Variants in LRP1 observed in about 807,000 individuals in gnomAD.
The protein encoded by LRP1 is LDL receptor related protein 1.
In LRP1, 51 loss-of-function variants were observed where a neutral mutation model predicts 541.5. The ratio of observed to expected loss-of-function variants is 0.09; its 90% CI spans 0.08 to 0.12. The LOEUF (loss-of-function observed/expected upper bound fraction) is 0.12. Among genes scored for constraint, LRP1 ranks in the 10% least tolerant of loss-of-function variants. The pLI is 1.00. For synonymous variants in LRP1, 2,219 were observed against 2,470.8 expected, an observed-to-expected ratio of 0.90 and a Z score of 3.02; for missense variants, 3,878 against 6,376.2, an observed-to-expected ratio of 0.61 and a Z score of 13.34.
intron 43 of LRP1, 54 bp downstream of exon 43, chr12:57,191,063 G>T: frequency 6.5e-7 from 1 of 1,541,408 alleles, no homozygotes; most frequent in South Asian, 1.2e-5. Context: ...GCCAGGGCCA[G>T]GGTCAGCCGT....
chr12:57,198,162 C>T lies in LRP1; in HGVS notation c.9289C>T (p.His3097Tyr), dbSNP rs1239789980. Residue 3097 changes from histidine (H) to tyrosine (Y), a missense_variant, in exon 59 of 89, where the codon CAC (histidine) becomes TAC (tyrosine). Coordinates refer to ENST00000243077, the MANE Select transcript of LRP1 (RefSeq NM_002332.3). Reference protein sequence around the residue: ...HLNGSNVQVLHRTGLSNPDGL... With the variant: ...HLNGSNVQVLYRTGLSNPDGL... Reference sequence around the variant, plus strand: ...CCCCTGCCCCTTCCTGCAGGTCCTACACCGTACAGGCCTCAGCAACCCCGA... The same window carrying T: ...CCCCTGCCCCTTCCTGCAGGTCCTATACCGTACAGGCCTCAGCAACCCCGA... The T allele has an allele frequency of 6.2e-7, 1 of 1,609,678 alleles. No individual in the cohort carries two copies. The highest frequency in any genetic ancestry group is 1.7e-5 in the Admixed American group (1 of 59,946).
At position 57,143,675 on chromosome 12, in the gene LRP1, A is replaced by G. The variant is rs544099164; in HGVS notation, c.329-4A>G. ...GAATATGTGTCTCTCCTGCCCCCAC[A>G]CAGAGCTCCAAGGCAACTGCTCTCG... is the stretch of plus-strand genomic sequence containing the variant. On this transcript the variant is annotated splice_region_variant and splice_polypyrimidine_tract_variant and intron_variant, in intron 3 of 88. Transcript: ENST00000243077. 6.2e-7 allele frequency: 1 copy of G among 1,612,292 alleles called. No individual in the cohort carries two copies. Among genetic ancestry groups the G allele is most frequent in the African/African-American group, 1.3e-5 (1 of 74,902 alleles).
intron 20 of LRP1, among the ~76,000 whole-genome samples, chr12:57,170,191 T>C (rs998907440): frequency 1.3e-5 from 2 of 152,240 alleles, no homozygotes; most frequent in African/African-American, 2.4e-5. Flanking sequence ...AGATCCCCAT[T>C]TCCCCTTTCT....
At position 57,183,267 on chromosome 12, in the gene LRP1, T is replaced by G. The variant is rs1425853970; in HGVS notation, c.5663-112T>G. On this transcript the variant is annotated intron_variant, in intron 34 of 88. Coordinates refer to ENST00000243077, the MANE Select transcript of LRP1 (RefSeq NM_002332.3). The surrounding 1 kb of genome is among the most constrained non-coding windows in gnomAD (Gnocchi z 6.1). ...TGTGCTGGGTGGAGGATAGGGATGA[T>G]GGTGGGGGGGGATGATATCAAAGGA... 1.4e-5 allele frequency: 16 copies of G among 1,167,904 alleles called. No individual in the cohort carries two copies. Among genetic ancestry groups the G allele is most frequent in the Non-Finnish European group, 1.6e-5 (13 of 813,980 alleles). The allele number at this position is 1,167,904 out of a possible 1,614,324, so 72.3% of individuals were successfully genotyped here.
chr12:57,156,526 G>A lies in LRP1; in HGVS notation c.1417+243G>A, dbSNP rs1446646737. On this transcript the variant is annotated intron_variant, in intron 9 of 88. Coordinates refer to ENST00000243077, the MANE Select transcript of LRP1 (RefSeq NM_002332.3). The surrounding 1 kb of genome is among the most constrained non-coding windows in gnomAD (Gnocchi z 5.2). ...TCCCTCCCATTCCCCTTGCCAGTCT[G>A]GAGCAGTAGCACCTGGCCATGGGCA... Among the ~76,000 whole-genome samples, 1 of 152,218 alleles carries A rather than the reference G, an allele frequency of 6.6e-6. No individual in the cohort carries two copies. The highest frequency in any genetic ancestry group is 1.5e-5 in the Non-Finnish European group (1 of 68,046).
rs781425698 is a variant in LRP1 at position 57,211,459 on chromosome 12, A to C, written c.13092-28A>C. ...TCCCAGGCACGCCTCTGCCAGCCCC[A>C]GCCCCAGCCTCTGATTCCTTCCTGC... On this transcript the variant is annotated intron_variant, in intron 84 of 88. Transcript: ENST00000243077. This position sits in a 1 kb window ranked among gnomAD's most constrained non-coding sequence, Gnocchi z 4.3. The C allele has an allele frequency of 7.4e-6, 12 of 1,611,514 alleles. No homozygotes were observed. The highest frequency in any genetic ancestry group is 1.0e-5 in the Non-Finnish European group (12 of 1,179,340).
intron 60 of LRP1, 138 bp from the exon 61 acceptor site, chr12:57,199,074 G>A (rs1432160365): frequency 1.3e-6 from 1 of 787,956 alleles, no homozygotes; most frequent in South Asian, 1.5e-5. Flanking sequence ...ACCATGGGGG[G>A]TCTGTACCAT....
Position 57,185,066 on chromosome 12 carries a change from C to T in LRP1, c.6339-15C>T, listed in dbSNP as rs771358831. 1 of 1,614,182 alleles carries T rather than the reference C, an allele frequency of 6.2e-7. No homozygotes were observed. Among genetic ancestry groups the T allele is most frequent in the Non-Finnish European group, 8.5e-7 (1 of 1,180,024 alleles). On this transcript the variant is annotated splice_polypyrimidine_tract_variant and intron_variant, in intron 39 of 88. Coordinates refer to ENST00000243077, the MANE Select transcript of LRP1 (RefSeq NM_002332.3). The surrounding 1 kb of genome is among the most constrained non-coding windows in gnomAD (Gnocchi z 4.9). ...CCTCCACTGATGCCCTGCTTGTGCC[C>T]TGTCCTTCCCTCAGGACTCATGCCA...
At position 57,166,551 on chromosome 12, in the gene LRP1, A is replaced by G. The variant is rs2035844030; in HGVS notation, c.2797+342A>G. On this transcript the variant is annotated intron_variant, in intron 17 of 88. Coordinates refer to ENST00000243077, the MANE Select transcript of LRP1 (RefSeq NM_002332.3). ...TCTCCAGCCTAGACAACAGAGCGAG[A>G]CCTGTCTCTAAAAATAAAATGAAAG... 4 of 392,072 alleles carry G rather than the reference A, an allele frequency of 1.0e-5. No individual in the cohort carries two copies. The Admixed American group carries it at 1.7e-4, about 17-fold the overall frequency. The allele number at this position is 392,072 out of a possible 1,614,324, so 24.3% of individuals were successfully genotyped here.
chr12:57,173,364 T>G lies in LRP1; in HGVS notation c.3346+14T>G, dbSNP rs770390260. ...GCAAGGACTCAGGTGAAGAGGATGG[T>G]TGGAGGGCGTCTGGAACAGCACAAT... On this transcript the variant is annotated intron_variant, in intron 21 of 88. Transcript: ENST00000243077. The surrounding 1 kb of genome is among the most constrained non-coding windows in gnomAD (Gnocchi z 4.7). The G allele has an allele frequency of 8.7e-6, 14 of 1,609,924 alleles. No individual in the cohort carries two copies. The highest frequency in any genetic ancestry group is 1.2e-5 in the Non-Finnish European group (14 of 1,177,150).
At chr12:57,132,580 C>T (rs1373135885) in intron 1 of LRP1, among the ~76,000 whole-genome samples, 1 of 152,206 alleles carries the variant, frequency 6.6e-6, no homozygotes, top group Non-Finnish European at 1.5e-5. Context: ...TTGGCAATCT[C>T]TGGACTGAGC....
chr12:57,209,102 C>A lies in LRP1; in HGVS notation c.12165C>A (p.His4055Gln). Residue 4055 changes from histidine to glutamine, a missense_variant, in exon 79 of 89, where the codon CAC (histidine) becomes CAA (glutamine). Transcript: ENST00000243077. ...CCCCAGGCCTGGCCGTGGATTATCA[C>A]AATGAGCGGCTGTACTGGGCAGACG... is the stretch of plus-strand genomic sequence containing the variant. ...QWPTGLAVDY[H>Q]NERLYWADAK... is the part of the protein sequence containing the mutation. 2.5e-6 allele frequency: 4 copies of A among 1,613,528 alleles called. No homozygotes were observed. The highest frequency in any genetic ancestry group is 3.4e-6 in the Non-Finnish European group (4 of 1,179,444).
chr12:57,212,845 G>A lies in LRP1; in HGVS notation c.*290G>A. 2.8e-6 allele frequency: 1 copy of A among 357,466 alleles called. No homozygotes were observed. The highest frequency in any genetic ancestry group is 4.5e-5 in the Admixed American group (1 of 22,416). 22.1% of individuals were successfully genotyped at this position (357,466 alleles called of 1,614,324 possible). A position where few individuals can be genotyped will look rare whatever the true frequency, so the allele number is the denominator to read the frequency against. ...CTCCCACCAGAACGCACCCCACTGG[G>A]AGAGCTGGTGGTGCAGCCTTCCCCT... is the stretch of plus-strand genomic sequence containing the variant. On this transcript the variant is annotated 3_prime_UTR_variant, in exon 89 of 89. Transcript: ENST00000243077. The surrounding 1 kb of genome is among the most constrained non-coding windows in gnomAD (Gnocchi z 5.0).
Position 57,165,503 on chromosome 12 carries a change from T to G in LRP1, c.2531-302T>G. 1.2e-5 allele frequency: 3 copies of G among 249,680 alleles called. No individual in the cohort carries two copies. Among genetic ancestry groups the G allele is most frequent in the Non-Finnish European group, 1.5e-5 (2 of 129,604 alleles). 15.5% of individuals were successfully genotyped at this position (249,680 alleles called of 1,614,324 possible). On this transcript the variant is annotated intron_variant, in intron 15 of 88. Transcript: ENST00000243077. This position sits in a 1 kb window ranked among gnomAD's most constrained non-coding sequence, Gnocchi z 4.5. ...GTTCATGGAGAAGTCAGGGAAGGAG[T>G]GGGGAGAGCCTGTTCGGTGGTGACA... is the stretch of plus-strand genomic sequence containing the variant.
rs1219018727 is a variant in LRP1, at chr12:57,195,094, T to C, written c.8301T>C (p.Ala2767=). 9 of 1,613,310 alleles carry C rather than the reference T, an allele frequency of 5.6e-6. No individual in the cohort carries two copies. Among genetic ancestry groups the C allele is most frequent in the Non-Finnish European group, 6.8e-6 (8 of 1,179,360 alleles). ...GTGGGGATGGCTCAGACGAGGCTGC[T>C]CACTGTGGTAAGGAAGCTGGGATTG... ...DDCGDGSDEA[A]HCEGKTCGPS... is the part of the protein sequence containing the mutation. The change falls in exon 51 of 89, where the codon GCT becomes GCC. Residue 2767 remains alanine (A), a synonymous_variant. Transcript: ENST00000243077.
Position 57,176,076 on chromosome 12 carries a change from A to C in LRP1, c.3961A>C (p.Ile1321Leu), listed in dbSNP as rs2036041155. 1 of 1,614,166 alleles carries C rather than the reference A, an allele frequency of 6.2e-7. No individual in the cohort carries two copies. The highest frequency in any genetic ancestry group is 8.5e-7 in the Non-Finnish European group (1 of 1,180,044). Reference protein sequence around the residue: ...LYWTDVVEDKIYRGKLLDNGA... With the variant: ...LYWTDVVEDKLYRGKLLDNGA... ...CTGGACCGACGTGGTGGAGGACAAG[A>C]TCTACCGCGGGAAGCTGCTGGACAA... Residue 1321 changes from isoleucine to leucine, a missense_variant, in exon 24 of 89, where the codon ATC becomes CTC. Transcript: ENST00000243077.
chr12:57,203,706 G>A (rs1269858429), intron 70 of LRP1, 185 bp downstream of exon 70: 2 of 743,716 alleles, frequency 2.7e-6, no homozygotes, highest in South Asian at 4.3e-5. Context: ...AAGACACAGG[G>A]CCCCTGAATA....
intron 19 of LRP1, chr12:57,168,184 G>T (rs1009954171): frequency 4.5e-5 from 7 of 154,126 alleles, no homozygotes; most frequent in African/African-American, 1.7e-4. Context: ...CTGTGTTTCA[G>T]AGAAGGATTG....
chr12:57,197,634 A>C lies in LRP1; in HGVS notation c.9252A>C (p.Arg3084=). 1 of 1,613,900 alleles carries C rather than the reference A, an allele frequency of 6.2e-7. No individual in the cohort carries two copies. The highest frequency in any genetic ancestry group is 8.5e-7 in the Non-Finnish European group (1 of 1,179,984). ...TGACCACCCAGGGCAGCATGATCCG[A>C]AGGATGCACCTTAACGGGAGCAATG... ...TDVTTQGSMI[R]RMHLNGSNVQ... The change falls in exon 58 of 89, where the codon CGA becomes CGC. Residue 3084 remains arginine, a synonymous_variant. Coordinates refer to ENST00000243077, the MANE Select transcript of LRP1 (RefSeq NM_002332.3). The surrounding 1 kb of genome is among the most constrained non-coding windows in gnomAD (Gnocchi z 4.5).
Sources: gnomAD v4.1 joint callset for allele counts (sites outside exome capture counted in the v4.1 genomes callset) on GRCh38, gnomAD v4.1.1 for gene constraint, Gnocchi (gnomAD v3.1) non-coding constraint, MANE v1.5 for transcripts, NCBI Gene and HGNC (gene_info 2026-07-23, HGNC 2026-07-21) for gene names.